The following VAPB variants were observed in gnomAD, a reference collection of about 807,000 sequenced individuals.
VAPB encodes the protein VAMP associated protein B and C, also known as vesicle-associated membrane protein-associated protein B/C.
In VAPB, 7 loss-of-function variants were observed where a neutral mutation model predicts 25.6. That is an observed-to-expected ratio of 0.27 (90% CI 0.16 to 0.51). VAPB has a LOEUF of 0.51. Ranked by LOEUF, VAPB falls within the 20% of genes least tolerant of loss-of-function variation. VAPB has a pLI of 0.97. For synonymous variants in VAPB, 112 were observed against 109.2 expected (o/e 1.03, Z -0.16); for missense variants, 266 against 301.3 (o/e 0.88, Z 0.87).
At chr20:58,424,348 C>T (rs990164330) in intron 2 of VAPB, among the ~76,000 whole-genome samples, 1 of 151,646 alleles carries the variant, frequency 6.6e-6, no homozygotes, top group Admixed American at 6.6e-5. Flanking sequence ...TGAAAGCGGC[C>T]CATGTGACAG....
At chr20:58,393,014 TA>T (rs762137022) in intron 1 of VAPB, among the ~76,000 whole-genome samples, 3 of 152,164 alleles carry the variant, frequency 2.0e-5, no homozygotes, top group Non-Finnish European at 4.4e-5. Context: ...TCTTTCAGAC[TA>T]GGGGTATCTT....
chr20:58,431,559 T>G (rs8123933), intron 2 of VAPB: 12,943 of 70,888 alleles, frequency 0.18, 768 homozygotes, highest in East Asian at 0.42. Context: ...ATCTTGTTTG[T>G]TTTTTTTTTT....
chr20:58,444,003 C>T, intron 5 of VAPB, 74 bp from the exon 6 acceptor site: 7 of 1,608,100 alleles, frequency 4.4e-6, no homozygotes, highest in Non-Finnish European at 6.0e-6. Context: ...AACAGCCCAT[C>T]CCGTTAAGCT....
At chr20:58,401,880 T>C (rs565885605) in intron 1 of VAPB, among the ~76,000 whole-genome samples, 22 of 152,330 alleles carry the variant, frequency 1.4e-4, no homozygotes, top group Non-Finnish European at 2.6e-4. Context: ...ACTGTCTCAT[T>C]GGATGGTACC....
Position 58,449,258 on chromosome 20 carries a change from T to C in VAPB, c.*5023T>C, listed in dbSNP as rs752082963. ...ACCCCTGTGCCAGGGGGCCCTGACC[T>C]CCCTCCATGCCATGTTTTTGGCTGT... On this transcript the variant is annotated 3_prime_UTR_variant, in exon 6 of 6. Coordinates refer to ENST00000475243, the MANE Select transcript of VAPB (RefSeq NM_004738.5). 4.4e-6 allele frequency: 2 copies of C among 453,924 alleles called. No homozygotes were observed. The highest frequency in any genetic ancestry group is 1.4e-4 in the East Asian group (2 of 14,402). The allele number at this position is 453,924 out of a possible 1,614,324, so 28.1% of individuals were successfully genotyped here. A position where few individuals can be genotyped will look rare whatever the true frequency, so the allele number is the denominator to read the frequency against.
chr20:58,416,010 A>G (rs1007442773), intron 1 of VAPB, among the ~76,000 whole-genome samples: 1 of 152,116 alleles, frequency 6.6e-6, no homozygotes, highest in Admixed American at 6.5e-5. Flanking sequence ...GGACTTTGTT[A>G]TTTTACCAGT....
chr20:58,436,912 C>A (rs1989059974), intron 3 of VAPB, among the ~76,000 whole-genome samples: 1 of 149,080 alleles, frequency 6.7e-6, no homozygotes, highest in Non-Finnish European at 1.5e-5. Flanking sequence ...GTGATAAATT[C>A]ATATTCATTA....
chr20:58,394,485 C>T (rs944590118), intron 1 of VAPB, among the ~76,000 whole-genome samples: 1 of 152,364 alleles, frequency 6.6e-6, no homozygotes, highest in East Asian at 1.9e-4. Context: ...CACAACAGAG[C>T]GTCAGCCATG....
Position 58,389,291 on chromosome 20 carries a change from C to A in VAPB, c.-169C>A. 1.4e-6 allele frequency: 1 copy of A among 727,728 alleles called. No homozygotes were observed. The highest frequency in any genetic ancestry group is 2.4e-6 in the Non-Finnish European group (1 of 422,362). 45.1% of individuals were successfully genotyped at this position (727,728 alleles called of 1,614,324 possible). A position where few individuals can be genotyped will look rare whatever the true frequency, so the allele number is the denominator to read the frequency against. On this transcript the variant is annotated 5_prime_UTR_variant, in exon 1 of 6. Coordinates refer to ENST00000475243, the MANE Select transcript of VAPB (RefSeq NM_004738.5). ...TCGCCCTCCGCCCCTGCGCCTGCAC[C>A]GCGTAGACCGACCCCCCCCCAGCGC...
chr20:58,402,781 A>C (rs1435582942), intron 1 of VAPB, among the ~76,000 whole-genome samples: 2 of 152,138 alleles, frequency 1.3e-5, no homozygotes, highest in Non-Finnish European at 2.9e-5. Flanking sequence ...GAGGCAAGCG[A>C]ATCAGTTGAG....
chr20:58,404,748 A>G (rs936816080), intron 1 of VAPB, among the ~76,000 whole-genome samples: 6 of 152,158 alleles, frequency 3.9e-5, no homozygotes, highest in Non-Finnish European at 8.8e-5. Context: ...TAAAAAGAAA[A>G]AATCATTATG....
In VAPB at chr20:58,392,029, A is replaced by G. The variant is rs564097468; in HGVS notation, c.58+2512A>G. Among the ~76,000 whole-genome samples, 3 of 152,316 alleles carry G rather than the reference A, an allele frequency of 2.0e-5. No individual in the cohort carries two copies. In the South Asian group the frequency reaches 6.2e-4, roughly 32 times the overall value. ...TTTCTGAAAACCCCCAAATCCCAGT[A>G]CAAACTCTGTTGTCTAATATGTTAT... On this transcript the variant is annotated intron_variant, in intron 1 of 5. Coordinates refer to ENST00000475243, the MANE Select transcript of VAPB (RefSeq NM_004738.5).
chr20:58,442,513 G>A (rs1568720739), intron 5 of VAPB, among the ~76,000 whole-genome samples: 1 of 151,950 alleles, frequency 6.6e-6, no homozygotes, highest in Admixed American at 6.5e-5. Flanking sequence ...GCAGTGATAC[G>A]GGCCATGCCC....
rs550752303 is a variant in VAPB, at chr20:58,419,354, CATT to C, written c.211+994_211+996del. Among the ~76,000 whole-genome samples the C allele has an allele frequency of 4.3e-3, 661 of 152,306 alleles. 7 individuals carry two copies. The highest frequency in any genetic ancestry group is 0.015 in the African/African-American group (628 of 41,556). On this transcript the variant is annotated intron_variant, in intron 2 of 5. Transcript: ENST00000475243. ...CTTATTCCCTGCATCTCGTCTCTCT[CATT>C]ATGGTGCACCCATGCCAGCTCTCCC...
At position 58,447,455 on chromosome 20, in the gene VAPB, A is replaced by G. The variant is rs1336170428; in HGVS notation, c.*3220A>G. On this transcript the variant is annotated 3_prime_UTR_variant, in exon 6 of 6. Transcript: ENST00000475243. ...GGCTAGAGAGACGACTTATACCTCC[A>G]TAACACAGAAGGGGGAAAAATGAAG... 2 of 453,990 alleles carry G rather than the reference A, an allele frequency of 4.4e-6. No homozygotes were observed. The highest frequency in any genetic ancestry group is 4.0e-5 in the African/African-American group (2 of 50,000). 28.1% of individuals were successfully genotyped at this position (453,990 alleles called of 1,614,324 possible).
chr20:58,430,616 C>T (rs1988906442), intron 2 of VAPB, among the ~76,000 whole-genome samples: 1 of 151,590 alleles, frequency 6.6e-6, no homozygotes, highest in Non-Finnish European at 1.5e-5. Context: ...ACTCTTGTCG[C>T]CCAGGCTGGA....
chr20:58,427,394 ATG>A (rs1988818906), intron 2 of VAPB, among the ~76,000 whole-genome samples: 1 of 130,406 alleles, frequency 7.7e-6, no homozygotes, highest in Non-Finnish European at 1.7e-5. Flanking sequence ...TGTTACCATT[ATG>A]ATGCAGGTCC....
chr20:58,418,402 A>G, intron 2 of VAPB, 39 bp downstream of exon 2: 1 of 1,611,676 alleles, frequency 6.2e-7, no homozygotes, highest in Admixed American at 1.7e-5. Context: ...GTGGGCTCAG[A>G]AGGCCCCTGG....
In VAPB at chr20:58,433,450, G is replaced by C. The variant is rs183333669; in HGVS notation, c.212-1152G>C. On this transcript the variant is annotated intron_variant, in intron 2 of 5. Transcript: ENST00000475243. ...TCAAGGCAAGAGAATGCTGATGAGG[G>C]CCCAGCAGAAAGGTGGTAGAAGCCC... 2.7e-3 allele frequency among the ~76,000 whole-genome samples: 416 copies of C among 152,268 alleles called. 3 individuals carry two copies. Among genetic ancestry groups the C allele is most frequent in the African/African-American group, 9.6e-3 (398 of 41,542 alleles).
Sources: allele counts gnomAD v4.1 joint callset (sites outside exome capture counted in the v4.1 genomes callset), GRCh38; gene constraint gnomAD v4.1.1; transcripts MANE v1.5; gene names NCBI Gene and HGNC (gene_info 2026-07-23, HGNC 2026-07-21).